The following RYR3 variants were observed in gnomAD, a reference collection of about 807,000 sequenced individuals.
The protein encoded by RYR3 is ryanodine receptor 3, also known as brain ryanodine receptor-calcium release channel.
A neutral mutation model predicts 584.3 loss-of-function variants in RYR3; 207 were observed. The ratio of observed to expected loss-of-function variants is 0.35; its 90% CI spans 0.32 to 0.40. The LOEUF (loss-of-function observed/expected upper bound fraction) is 0.40, where lower values mean the gene tolerates loss of function less well. Ranked by LOEUF, RYR3 falls within the 10% of genes least tolerant of loss-of-function variation. The pLI is 1.00. For synonymous variants in RYR3, 2,416 were observed against 2,248.5 expected, an observed-to-expected ratio of 1.07 and a Z score of -2.11; for missense variants, 5,616 against 6,089.2, an observed-to-expected ratio of 0.92 and a Z score of 2.59.
At chr15:33,627,848 T>G (rs937302) in intron 20 of RYR3, among the ~76,000 whole-genome samples, 67,092 of 151,684 alleles carry the variant, frequency 0.44, 15,152 homozygotes, top group Non-Finnish European at 0.47. Flanking sequence ...GGTTGAGTAA[T>G]GGAGAGAAGG....
At chr15:33,571,960 T>G (rs1178125597) in intron 12 of RYR3, among the ~76,000 whole-genome samples, 1 of 152,196 alleles carries the variant, frequency 6.6e-6, no homozygotes, top group Non-Finnish European at 1.5e-5. Context: ...AAAATACTTT[T>G]TTGAGGAGTT....
chr15:33,725,976 C>CAAAAA (rs61503360), intron 45 of RYR3, among the ~76,000 whole-genome samples: 8 of 31,522 alleles, frequency 2.5e-4, no homozygotes, highest in African/African-American at 3.2e-4. Context: ...TCCCCCCCCC[C>CAAAAA]AAAAAAAAAA....
intron 10 of RYR3, among the ~76,000 whole-genome samples, chr15:33,557,617 C>T (rs3794581): frequency 0.87 from 132,447 of 152,100 alleles, 58,340 homozygotes; most frequent in Middle Eastern, 0.98. Context: ...TCTCCTGACT[C>T]CATGACCCAC....
chr15:33,826,881 G>A (rs1596842239), intron 84 of RYR3, 129 bp downstream of exon 84: 1 of 708,530 alleles, frequency 1.4e-6, no homozygotes, highest in East Asian at 2.5e-5. Context: ...TCCTCAATAA[G>A]AAACTATGTA....
chr15:33,452,034 T>G (rs2047171766), intron 1 of RYR3, among the ~76,000 whole-genome samples: 1 of 152,212 alleles, frequency 6.6e-6, no homozygotes, highest in Admixed American at 6.5e-5. Flanking sequence ...GGAAAGGGCC[T>G]CCATGCTCCA....
Position 33,456,650 on chromosome 15 carries a change from C to T in RYR3, c.52-16769C>T, listed in dbSNP as rs111965107. ...TCTTGGTTTGGAGGTTACATTTGCACAAAAGAACTTGATAATGACAAAGCA... is the reference window on the plus strand; with the variant it reads ...TCTTGGTTTGGAGGTTACATTTGCATAAAAGAACTTGATAATGACAAAGCA... On this transcript the variant is annotated intron_variant, in intron 1 of 103. Coordinates refer to ENST00000634891, the MANE Select transcript of RYR3 (RefSeq NM_001036.6). 8.0e-3 allele frequency among the ~76,000 whole-genome samples: 1,211 copies of T among 152,216 alleles called. 4 individuals carry two copies. Among genetic ancestry groups the T allele is most frequent in the Middle Eastern group, 0.02 (6 of 294 alleles).
chr15:33,649,049 TC>T, intron 30 of RYR3, 22 bp from the exon 31 acceptor site: 4 of 1,586,884 alleles, frequency 2.5e-6, no homozygotes, highest in Non-Finnish European at 3.4e-6. Context: ...GGCCATTGAC[TC>T]CCCTCTGCGG....
At chr15:33,789,660 T>TATATATA (rs1567175274) in intron 67 of RYR3, among the ~76,000 whole-genome samples, 6 of 8,334 alleles carry the variant, frequency 7.2e-4, no homozygotes, top group Admixed American at 2.3e-3. Flanking sequence ...ATATATATAT[T>TATATATA]TTTTTTTTTT....
intron 12 of RYR3, among the ~76,000 whole-genome samples, chr15:33,574,433 G>A (rs1038522337): frequency 1.2e-4 from 18 of 152,110 alleles, no homozygotes; most frequent in African/African-American, 2.9e-4. Context: ...TGTACTCATG[G>A]CATTCTCTTC....
chr15:33,417,662 G>A (rs997474843), intron 1 of RYR3, among the ~76,000 whole-genome samples: 6 of 151,988 alleles, frequency 3.9e-5, no homozygotes, highest in Non-Finnish European at 5.9e-5. Context: ...TTTTCTATTC[G>A]TATGCCTTTT....
intron 3 of RYR3, among the ~76,000 whole-genome samples, chr15:33,512,002 T>C (rs1342671144): frequency 6.6e-6 from 1 of 152,114 alleles, no homozygotes; most frequent in African/African-American, 2.4e-5. Context: ...ATGGTCTTGA[T>C]CTCCTGACCT....
In RYR3 at chr15:33,708,564, T is replaced by TC. The variant is rs2066878137; in HGVS notation, c.6619+1510_6619+1511insC. Among the ~76,000 whole-genome samples, 7 of 152,332 alleles carry TC rather than the reference T, an allele frequency of 4.6e-5. No homozygotes were observed. In the South Asian group the frequency reaches 1.2e-3, roughly 27 times the overall value. Reference sequence around the variant, plus strand: ...TTATTTTATATCTTTTCAATATATTTTCTGCACTACAATTCTATAATGCAA... The same window carrying TC: ...TTATTTTATATCTTTTCAATATATTTCTCTGCACTACAATTCTATAATGCAA... On this transcript the variant is annotated intron_variant, in intron 43 of 103. Transcript: ENST00000634891.
chr15:33,321,079 T>C (rs114746469), intron 1 of RYR3, among the ~76,000 whole-genome samples: 193 of 152,328 alleles, frequency 1.3e-3, no homozygotes, highest in African/African-American at 4.5e-3. Context: ...GCTGATTGAC[T>C]TCTCCCTGGG....
chr15:33,738,664 T>A, intron 50 of RYR3, 74 bp downstream of exon 50: 1 of 1,540,794 alleles, frequency 6.5e-7, no homozygotes, highest in Non-Finnish European at 8.9e-7. Context: ...ACAGCCGTCA[T>A]CTGTTTAGCA....
chr15:33,700,902 G>A lies in RYR3; in HGVS notation c.6380-75G>A, dbSNP rs142900521. 338 of 1,021,520 alleles carry A rather than the reference G, an allele frequency of 3.3e-4. 1 individual carries two copies. The East Asian group carries it at 3.4e-3, about 10-fold the overall frequency. 63.3% of individuals were successfully genotyped at this position (1,021,520 alleles called of 1,614,324 possible). A position where few individuals can be genotyped will look rare whatever the true frequency, so the allele number is the denominator to read the frequency against. On this transcript the variant is annotated intron_variant, in intron 41 of 103. Transcript: ENST00000634891. ...TTGCTGCCCTCTCCTGTCCGCTTAC[G>A]TGCACTGCAGTCTCAGCTCAGCACT...
In RYR3 at chr15:33,742,367, T is replaced by C. The variant is rs1422418082; in HGVS notation, c.7822T>C (p.Phe2608Leu). 4 of 1,610,418 alleles carry C rather than the reference T, an allele frequency of 2.5e-6. No homozygotes were observed. The Admixed American group carries it at 6.7e-5, about 27-fold the overall frequency. Residue 2608 changes from phenylalanine (F) to leucine (L), a missense_variant and splice_region_variant, in exon 52 of 104, where the codon TTT becomes CTT. Phe to Leu is a conservative substitution (Grantham distance 22). Around this residue, in one of 9 missense-constraint regions of RYR3, gnomAD observed 1,280 missense variants for 1,426.2 expected, o/e 0.90. Transcript: ENST00000634891. ...TAATTTTTTTTCCTCATTTCACAGT[T>C]TTTCCTTGCCTGAAAAATTGGAATA... ...FDPKPINTMN[F>L]SLPEKLEYIV...
At chr15:33,387,913 G>A (rs930979698) in intron 1 of RYR3, among the ~76,000 whole-genome samples, 25 of 151,744 alleles carry the variant, frequency 1.6e-4, no homozygotes, top group African/African-American at 5.3e-4. Context: ...AAGTCTAGGC[G>A]GACTAGAAAG....
At chr15:33,763,971 A>C (rs1178228905) in intron 60 of RYR3, among the ~76,000 whole-genome samples, 2 of 150,718 alleles carry the variant, frequency 1.3e-5, no homozygotes, top group East Asian at 3.9e-4. Flanking sequence ...ATGCTTTTAC[A>C]CTGTTGGTGG....
At chr15:33,406,553 A>G (rs551098775) in intron 1 of RYR3, among the ~76,000 whole-genome samples, 2 of 152,220 alleles carry the variant, frequency 1.3e-5, no homozygotes, top group Non-Finnish European at 2.9e-5. Context: ...GGAATAAAGA[A>G]TTGCCATGAA....
Sources: allele counts gnomAD v4.1 joint callset (sites outside exome capture counted in the v4.1 genomes callset), GRCh38; gene constraint gnomAD v4.1.1; regional missense constraint gnomAD v4.1.1; transcripts MANE v1.5; gene names NCBI Gene and HGNC (gene_info 2026-07-23, HGNC 2026-07-21).